Variants in GUCY1A2 observed in about 807,000 individuals in gnomAD.
GUCY1A2 encodes guanylate cyclase 1 soluble subunit alpha 2.
In GUCY1A2, 27 loss-of-function variants were observed where a neutral mutation model predicts 63.5. The observed-to-expected ratio is 0.43, with a 90% CI of 0.31 to 0.59. The LOEUF (loss-of-function observed/expected upper bound fraction) is 0.59. Among genes scored for constraint, GUCY1A2 ranks in the 20% least tolerant of loss-of-function variants. The pLI is 0.11. For missense variants in GUCY1A2, 768 were observed against 913.3 expected (o/e 0.84, Z 2.05); for synonymous variants, 364 against 343.5 (o/e 1.06, Z -0.66).
At chr11:106,751,000 TA>T (rs1386739126) in intron 6 of GUCY1A2, among the ~76,000 whole-genome samples, 1 of 152,044 alleles carries the variant, frequency 6.6e-6, no homozygotes, top group Non-Finnish European at 1.5e-5. Context: ...GCTTCTGAAA[TA>T]AAATGATGAT....
intron 3 of GUCY1A2, among the ~76,000 whole-genome samples, chr11:106,959,267 T>G (rs1861029614): frequency 6.6e-6 from 1 of 152,220 alleles, no homozygotes; most frequent in South Asian, 2.1e-4. Flanking sequence ...ATACATGAAT[T>G]CTTTCATTAT....
chr11:106,940,008 G>A lies in GUCY1A2; in HGVS notation c.658C>T (p.Leu220=). 6.2e-7 allele frequency: 1 copy of A among 1,614,038 alleles called. No individual in the cohort carries two copies. Among genetic ancestry groups the A allele is most frequent in the Non-Finnish European group, 8.5e-7 (1 of 1,179,966 alleles). Residue 220 remains leucine, a synonymous_variant, in exon 4 of 8, where the codon CTG becomes TTG. Coordinates refer to ENST00000526355, the MANE Select transcript of GUCY1A2 (RefSeq NM_000855.3). ...TTGCATAGGAAAGATGGTGACTCCA[G>A]AGTGGCCTGTTTTCCAAAAGAAGTT... ...IRTSFGKQAT[L]ESPSFLCKEL...
At chr11:106,771,498 A>G (rs1011719934) in intron 6 of GUCY1A2, among the ~76,000 whole-genome samples, 1 of 152,156 alleles carries the variant, frequency 6.6e-6, no homozygotes, top group Non-Finnish European at 1.5e-5. Context: ...CTGTAATCCC[A>G]ACATTTTGGG....
intron 6 of GUCY1A2, among the ~76,000 whole-genome samples, chr11:106,761,199 T>A (rs905510171): frequency 6.6e-6 from 1 of 152,250 alleles, no homozygotes; most frequent in Admixed American, 6.5e-5. Flanking sequence ...ATAACTTAAG[T>A]ATAATCAAAT....
chr11:106,905,365 T>A (rs1384160611), intron 4 of GUCY1A2, among the ~76,000 whole-genome samples: 3 of 152,102 alleles, frequency 2.0e-5, no homozygotes, highest in Non-Finnish European at 4.4e-5. Context: ...TTTTCTCACA[T>A]ATCTGGAAGT....
intron 3 of GUCY1A2, among the ~76,000 whole-genome samples, chr11:106,952,532 C>G (rs1860924345): frequency 6.6e-6 from 1 of 152,082 alleles, no homozygotes; most frequent in Non-Finnish European, 1.5e-5. Flanking sequence ...TGATTTGGCT[C>G]TCTGCTTGCC....
chr11:106,850,487 C>T (rs1026292155), intron 4 of GUCY1A2, among the ~76,000 whole-genome samples: 2 of 151,676 alleles, frequency 1.3e-5, no homozygotes, highest in African/African-American at 4.8e-5. Flanking sequence ...GTTAACTAAC[C>T]TCGTCCCATC....
chr11:106,903,776 A>G (rs1860166973), intron 4 of GUCY1A2, among the ~76,000 whole-genome samples: 1 of 152,184 alleles, frequency 6.6e-6, no homozygotes, highest in South Asian at 2.1e-4. Context: ...CCATCAAGCC[A>G]CAGAATGGTC....
At chr11:106,702,012 TTAGAG>T (rs1348259731) in intron 7 of GUCY1A2, among the ~76,000 whole-genome samples, 1 of 152,128 alleles carries the variant, frequency 6.6e-6, no homozygotes, top group African/African-American at 2.4e-5. Context: ...ATCTCAGGCT[TTAGAG>T]TAGGGCAGCT....
At position 106,939,854 on chromosome 11, in the gene GUCY1A2, A is replaced by C. The variant is rs1487293371; in HGVS notation, c.812T>G (p.Val271Gly). ...IYRLDVEVEQ[V>G]ANEKLCSDVS... ...ATCAGAGCATAGCTTCTCATTTGCA[A>C]CCTGTTCCACTTCCACATCCAGCCG... Residue 271 changes from valine to glycine, a missense_variant, in exon 4 of 8, where the codon GTT becomes GGT. Val to Gly is a moderately radical substitution (Grantham distance 109). Transcript: ENST00000526355. The C allele has an allele frequency of 6.2e-7, 1 of 1,614,072 alleles. No homozygotes were observed.
At chr11:106,826,803 C>T (rs1287362820) in intron 4 of GUCY1A2, 7 of 1,609,598 alleles carry the variant, frequency 4.3e-6, no homozygotes, top group Non-Finnish European at 5.9e-6. Flanking sequence ...GGCTCAGCTG[C>T]CAGGATGTAG....
chr11:106,736,363 C>T (rs1863589669), intron 6 of GUCY1A2, among the ~76,000 whole-genome samples: 1 of 152,148 alleles, frequency 6.6e-6, no homozygotes, highest in South Asian at 2.1e-4. Context: ...ATCCAGTCTT[C>T]CCAGAACCAT....
intron 6 of GUCY1A2, among the ~76,000 whole-genome samples, chr11:106,739,940 A>G (rs1863661762): frequency 6.6e-6 from 1 of 151,592 alleles, no homozygotes; most frequent in Non-Finnish European, 1.5e-5. Flanking sequence ...CACGACTGAC[A>G]TAGCATCTTT....
chr11:106,830,231 C>T (rs1859031919), intron 4 of GUCY1A2, among the ~76,000 whole-genome samples: 1 of 152,110 alleles, frequency 6.6e-6, no homozygotes, highest in South Asian at 2.1e-4. Flanking sequence ...GGGATTGGTG[C>T]ATTTCTGGTT....
rs1384271890 is a variant in GUCY1A2 at position 106,677,588 on chromosome 11, GTTTGT to G, written c.*9956_*9960del. ...AATTAGCATATTTATTAAATTTCTTGTTTGTTTTATCAAAGTTTTGACATGCTGAA... is the reference window on the plus strand; with the variant it reads ...AATTAGCATATTTATTAAATTTCTTGTTTATCAAAGTTTTGACATGCTGAA... On this transcript the variant is annotated 3_prime_UTR_variant, in exon 8 of 8. Coordinates refer to ENST00000526355, the MANE Select transcript of GUCY1A2 (RefSeq NM_000855.3). 3 of 207,780 alleles carry G rather than the reference GTTTGT, an allele frequency of 1.4e-5. No homozygotes were observed. The highest frequency in any genetic ancestry group is 2.3e-5 in the African/African-American group (1 of 43,874). 12.9% of individuals were successfully genotyped at this position (207,780 alleles called of 1,614,324 possible).
At chr11:106,852,158 C>T (rs7950959) in intron 4 of GUCY1A2, among the ~76,000 whole-genome samples, 60,595 of 151,644 alleles carry the variant, frequency 0.4, 12,633 homozygotes, top group East Asian at 0.66. Flanking sequence ...ATTATTGGTG[C>T]GTAGAAATGC....
In GUCY1A2 at chr11:106,680,263, TCA is replaced by T. The variant is rs1862410657; in HGVS notation, c.*7284_*7285del. On this transcript the variant is annotated 3_prime_UTR_variant, in exon 8 of 8. Transcript: ENST00000526355. ...AATTTTGCACATTCCTGATTTTATTTCAGTTATTACTTTCCTCTTAGATATAG... is the reference window on the plus strand; with the variant it reads ...AATTTTGCACATTCCTGATTTTATTTGTTATTACTTTCCTCTTAGATATAG... 1 of 208,190 alleles carries T rather than the reference TCA, an allele frequency of 4.8e-6. No individual in the cohort carries two copies. Among genetic ancestry groups the T allele is most frequent in the Admixed American group, 5.9e-5 (1 of 16,914 alleles). 12.9% of individuals were successfully genotyped at this position (208,190 alleles called of 1,614,324 possible).
chr11:106,879,983 C>A (rs1398282077), intron 4 of GUCY1A2, among the ~76,000 whole-genome samples: 1 of 151,868 alleles, frequency 6.6e-6, no homozygotes, highest in Non-Finnish European at 1.5e-5. Context: ...GACGACTTAA[C>A]CATACCCTTA....
At chr11:106,867,831 A>T (rs761352797) in intron 4 of GUCY1A2, among the ~76,000 whole-genome samples, 2 of 152,078 alleles carry the variant, frequency 1.3e-5, no homozygotes, top group Non-Finnish European at 2.9e-5. Context: ...GAACAGAATT[A>T]AGAGGTTTTT....
Sources: gnomAD v4.1 joint callset for allele counts (sites outside exome capture counted in the v4.1 genomes callset) on GRCh38, gnomAD v4.1.1 for gene constraint, MANE v1.5 for transcripts, NCBI Gene and HGNC (gene_info 2026-07-23, HGNC 2026-07-21) for gene names.